The following TENM2 variants were observed in gnomAD, a reference collection of about 807,000 sequenced individuals.
TENM2 encodes teneurin-2.
TENM2 carries 52 observed loss-of-function variants against 245.2 expected under a neutral mutation model. The observed-to-expected ratio is 0.21, with a 90% CI of 0.17 to 0.27. The LOEUF (loss-of-function observed/expected upper bound fraction) is 0.27, where lower values mean the gene tolerates loss of function less well. Ranked by LOEUF, TENM2 falls within the 10% of genes least tolerant of loss-of-function variation. TENM2 has a pLI of 1.00. For synonymous variants in TENM2, 1,363 were observed against 1,438.9 expected (o/e 0.95, Z 1.19); for missense variants, 3,046 against 3,666.8 (o/e 0.83, Z 4.37).
At chr5:168,067,817 A>G (rs1790639450) in intron 7 of TENM2, among the ~76,000 whole-genome samples, 1 of 152,120 alleles carries the variant, frequency 6.6e-6, no homozygotes, top group East Asian at 1.9e-4. Flanking sequence ...TGGAGCTGAA[A>G]TGTGGAGGCA....
intron 2 of TENM2, among the ~76,000 whole-genome samples, chr5:167,393,017 G>A (rs1190478660): frequency 6.6e-6 from 1 of 151,884 alleles, no homozygotes; most frequent in Non-Finnish European, 1.5e-5. Flanking sequence ...AGCTACTCGG[G>A]AGGCTGAGGC....
At chr5:167,143,867 T>G in the TENM2 span, among the ~76,000 whole-genome samples, 2 of 152,164 alleles carry the variant, frequency 1.3e-5, no homozygotes, top group African/African-American at 4.8e-5. Context: ...TTTGCCTGGC[T>G]TATATACGAG....
At chr5:167,404,302 GA>G (rs1253581712) in intron 2 of TENM2, among the ~76,000 whole-genome samples, 1 of 151,870 alleles carries the variant, frequency 6.6e-6, no homozygotes, top group African/African-American at 2.4e-5. Context: ...ATTTCCCTGA[GA>G]AAAAAACTAA....
chr5:167,405,769 AACACACACAC>A (rs149621688), intron 2 of TENM2, among the ~76,000 whole-genome samples: 10 of 145,286 alleles, frequency 6.9e-5, no homozygotes, highest in South Asian at 6.8e-4. Flanking sequence ...CACACACACA[AACACACACAC>A]ACACACACAC....
intron 1 of TENM2, among the ~76,000 whole-genome samples, chr5:167,313,099 C>T (rs771228616): frequency 3.9e-5 from 6 of 151,998 alleles, no homozygotes; most frequent in East Asian, 1.9e-4. Context: ...GACGGGGTTT[C>T]GACAAGTTGG....
At chr5:168,128,494 C>A (rs991829868) in intron 12 of TENM2, among the ~76,000 whole-genome samples, 1 of 152,242 alleles carries the variant, frequency 6.6e-6, no homozygotes, top group East Asian at 1.9e-4. Context: ...ATCCTACTTT[C>A]TTTTAATTCA....
intron 1 of TENM2, among the ~76,000 whole-genome samples, chr5:167,300,357 C>T (rs371109336): frequency 1.2e-4 from 18 of 151,970 alleles, no homozygotes; most frequent in African/African-American, 3.9e-4. Flanking sequence ...CAAGTGAAAG[C>T]GAAGAGAGGC....
In TENM2 at chr5:168,034,162, TGTATATATATACAC is replaced by T. The variant is rs1562077867; in HGVS notation, c.1187-13264_1187-13251del. 5.3e-4 allele frequency among the ~76,000 whole-genome samples: 54 copies of T among 102,794 alleles called. 1 individual carries two copies. The highest frequency in any genetic ancestry group is 1.7e-3 in the African/African-American group (47 of 28,118). The allele number at this position is 102,794 out of a possible 152,430, so 67.4% of individuals were successfully genotyped here. On this transcript the variant is annotated intron_variant, in intron 5 of 28. Transcript: ENST00000518659. ...ATACATATATATGTGTATATATATA[TGTATATATATACAC>T]ACACACACACACAAAAATTAATCAA...
At chr5:167,646,202 T>TATATATATATATATATATATGTTGTTTTC (rs1779945250) in intron 2 of TENM2, among the ~76,000 whole-genome samples, 3 of 105,416 alleles carry the variant, frequency 2.8e-5, no homozygotes, top group African/African-American at 1.9e-4. Flanking sequence ...GTTGTTTTCA[T>TATATATATATATATATATATGTTGTTTTC]ATATATATAT....
At chr5:167,203,825 T>C in the TENM2 span, among the ~76,000 whole-genome samples, 1 of 150,904 alleles carries the variant, frequency 6.6e-6, no homozygotes, top group South Asian at 2.1e-4. Context: ...ATTGAATAGA[T>C]GAAAACAGTA....
the TENM2 span, among the ~76,000 whole-genome samples, chr5:167,212,082 T>A: frequency 6.6e-6 from 1 of 152,172 alleles, no homozygotes; most frequent in Non-Finnish European, 1.5e-5. Context: ...AACCCCAAGT[T>A]CTGTCGATTC....
chr5:167,804,821 A>G (rs1279163897), intron 2 of TENM2, among the ~76,000 whole-genome samples: 1 of 152,154 alleles, frequency 6.6e-6, no homozygotes, highest in Non-Finnish European at 1.5e-5. Context: ...TTGAAAATAC[A>G]TGGCCCTAGG....
chr5:167,097,190 C>T, the TENM2 span, among the ~76,000 whole-genome samples: 66 of 152,150 alleles, frequency 4.3e-4, no homozygotes, highest in African/African-American at 1.3e-3. Context: ...GGTAATGGAT[C>T]GGCAGGATTT....
At chr5:167,053,210 T>C in the TENM2 span, among the ~76,000 whole-genome samples, 2 of 152,230 alleles carry the variant, frequency 1.3e-5, no homozygotes, top group South Asian at 2.1e-4. Flanking sequence ...TCTTCTACTA[T>C]ATTTTTTATT....
At chr5:167,514,525 T>G (rs547098423) in intron 2 of TENM2, among the ~76,000 whole-genome samples, 1 of 152,296 alleles carries the variant, frequency 6.6e-6, no homozygotes, top group East Asian at 1.9e-4. Flanking sequence ...CTCATAAAAA[T>G]AAATGATGCC....
At chr5:167,127,304 C>T in the TENM2 span, among the ~76,000 whole-genome samples, 1 of 152,056 alleles carries the variant, frequency 6.6e-6, no homozygotes, top group Non-Finnish European at 1.5e-5. Flanking sequence ...GCAATTTAGA[C>T]GCAGCTTTCC....
intron 2 of TENM2, among the ~76,000 whole-genome samples, chr5:167,625,572 G>A (rs1038588351): frequency 2.0e-5 from 3 of 152,284 alleles, no homozygotes; most frequent in East Asian, 1.9e-4. Flanking sequence ...AAAGGTAGAG[G>A]TAAAAACCAC....
chr5:167,777,436 T>C (rs1437517329), intron 2 of TENM2, among the ~76,000 whole-genome samples: 2 of 152,268 alleles, frequency 1.3e-5, no homozygotes, highest in Non-Finnish European at 2.9e-5. Flanking sequence ...ATAAAAGATG[T>C]AATGTGCCTA....
intron 2 of TENM2, among the ~76,000 whole-genome samples, chr5:167,619,390 A>G (rs573426717): frequency 3.3e-5 from 5 of 152,266 alleles, no homozygotes; most frequent in African/African-American, 1.2e-4. Context: ...GACTCTAAAC[A>G]AGGCATAAAA....
Sources: gnomAD v4.1 joint callset for allele counts (sites outside exome capture counted in the v4.1 genomes callset) on GRCh38, gnomAD v4.1.1 for gene constraint, MANE v1.5 for transcripts, NCBI Gene and HGNC (gene_info 2026-07-23, HGNC 2026-07-21) for gene names.